DACH1: variants seen among roughly 807,000 people sequenced by gnomAD.
The protein encoded by DACH1 is dachshund homolog 1.
Under a neutral mutation model 54.2 loss-of-function variants are expected in DACH1, and 12 were observed. The observed-to-expected ratio is 0.22, with a 90% CI of 0.14 to 0.36. The LOEUF (loss-of-function observed/expected upper bound fraction) is 0.36, where lower values mean the gene tolerates loss of function less well. Ranked by LOEUF, DACH1 falls within the 10% of genes least tolerant of loss-of-function variation. DACH1 has a pLI of 1.00. For synonymous variants in DACH1, 386 were observed against 366.2 expected, an observed-to-expected ratio of 1.05 and a Z score of -0.62; for missense variants, 805 against 929.8, an observed-to-expected ratio of 0.87 and a Z score of 1.75.
At chr13:71,817,143 A>G (rs1887992330) in intron 1 of DACH1, among the ~76,000 whole-genome samples, 1 of 152,218 alleles carries the variant, frequency 6.6e-6, no homozygotes, top group Non-Finnish European at 1.5e-5. Flanking sequence ...TATTAAAAAT[A>G]AGACATATAA....
At chr13:71,705,471 T>A (rs1468221493) in intron 1 of DACH1, among the ~76,000 whole-genome samples, 2 of 152,216 alleles carry the variant, frequency 1.3e-5, no homozygotes, top group Non-Finnish European at 2.9e-5. Flanking sequence ...CTGAAGTGTA[T>A]GGAAGACAGT....
chr13:71,652,894 A>G (rs1878784844), intron 2 of DACH1, among the ~76,000 whole-genome samples: 1 of 152,212 alleles, frequency 6.6e-6, no homozygotes, highest in Admixed American at 6.5e-5. Flanking sequence ...AAATCTAGAA[A>G]ATGTAGAAAA....
At chr13:71,629,822 A>C (rs2138567084) in intron 3 of DACH1, among the ~76,000 whole-genome samples, 1 of 152,282 alleles carries the variant, frequency 6.6e-6, no homozygotes, top group South Asian at 2.1e-4. Flanking sequence ...CAAGTGCAAT[A>C]GCAGAAAAAA....
chr13:71,726,400 C>T (rs112114876), intron 1 of DACH1, among the ~76,000 whole-genome samples: 4,127 of 152,114 alleles, frequency 0.027, 170 homozygotes, highest in African/African-American at 0.087. Flanking sequence ...AACAAGAAAA[C>T]GCTTTAAATG....
chr13:71,475,961 T>C (rs1462315575), intron 8 of DACH1, 112 bp from the exon 9 acceptor site: 10 of 754,550 alleles, frequency 1.3e-5, no homozygotes, highest in Non-Finnish European at 1.9e-5. Context: ...CCTGCTGAAC[T>C]GAGTCTACCT....
intron 6 of DACH1, among the ~76,000 whole-genome samples, chr13:71,545,507 GAAAGAAGA>G (rs1192144120): frequency 6.9e-6 from 1 of 144,448 alleles, no homozygotes; most frequent in East Asian, 2.2e-4. Flanking sequence ...AAGATAGAAA[GAAAGAAGA>G]AAAGAAGAAA....
intron 1 of DACH1, among the ~76,000 whole-genome samples, chr13:71,772,656 C>T (rs118038908): frequency 6.6e-6 from 1 of 151,764 alleles, no homozygotes; most frequent in Non-Finnish European, 1.5e-5. Flanking sequence ...AAATGTAGGA[C>T]ATAATGTAAA....
At chr13:71,483,303 G>T (rs934786863) in intron 7 of DACH1, among the ~76,000 whole-genome samples, 2 of 148,894 alleles carry the variant, frequency 1.3e-5, no homozygotes, top group East Asian at 3.9e-4. Context: ...TGAATTCAAC[G>T]TCTATTTTGT....
intron 1 of DACH1, among the ~76,000 whole-genome samples, chr13:71,711,114 G>A (rs1882703935): frequency 6.6e-6 from 1 of 152,112 alleles, no homozygotes; most frequent in African/African-American, 2.4e-5. Context: ...CATACACTAG[G>A]CTGGATCCTT....
chr13:71,469,391 A>G (rs1329022899), intron 10 of DACH1, among the ~76,000 whole-genome samples: 2 of 152,178 alleles, frequency 1.3e-5, no homozygotes, highest in Non-Finnish European at 2.9e-5. Flanking sequence ...GTAAATTCCC[A>G]TCATAAGAAT....
At chr13:71,545,716 G>C (rs1249987458) in intron 6 of DACH1, among the ~76,000 whole-genome samples, 3 of 151,962 alleles carry the variant, frequency 2.0e-5, no homozygotes, top group Non-Finnish European at 4.4e-5. Context: ...ATTCATTTGT[G>C]CTGTCTTTTA....
chr13:71,628,238 C>T (rs889203890), intron 3 of DACH1, among the ~76,000 whole-genome samples: 18 of 151,970 alleles, frequency 1.2e-4, no homozygotes, highest in Admixed American at 1.1e-3. Flanking sequence ...GCAGCTCAAC[C>T]CCCACCTTCA....
intron 1 of DACH1, among the ~76,000 whole-genome samples, chr13:71,813,899 G>A (rs1887815231): frequency 6.6e-6 from 1 of 152,158 alleles, no homozygotes. Context: ...TATCCAATGT[G>A]AAATGCCAAT....
At chr13:71,576,698 G>T (rs772603022) in intron 3 of DACH1, among the ~76,000 whole-genome samples, 4 of 152,020 alleles carry the variant, frequency 2.6e-5, no homozygotes, top group African/African-American at 9.7e-5. Flanking sequence ...CTTTGTCAAG[G>T]TTCCCTATTC....
At chr13:71,676,532 A>G (rs1206171561) in intron 2 of DACH1, among the ~76,000 whole-genome samples, 4 of 152,188 alleles carry the variant, frequency 2.6e-5, no homozygotes, top group Non-Finnish European at 5.9e-5. Flanking sequence ...ACAGTTTTAC[A>G]TTGTAAATTT....
At chr13:71,565,823 G>A (rs1884862679) in intron 4 of DACH1, among the ~76,000 whole-genome samples, 1 of 152,166 alleles carries the variant, frequency 6.6e-6, no homozygotes, top group African/African-American at 2.4e-5. Flanking sequence ...ATTGGTGGTA[G>A]GGGACTATAT....
At chr13:71,487,452 C>T (rs896173623) in intron 7 of DACH1, among the ~76,000 whole-genome samples, 4 of 151,496 alleles carry the variant, frequency 2.6e-5, no homozygotes, top group African/African-American at 9.7e-5. Flanking sequence ...AATTATAGTT[C>T]GAGGTGATGT....
chr13:71,710,657 G>C (rs1333644841), intron 1 of DACH1, among the ~76,000 whole-genome samples: 1 of 152,040 alleles, frequency 6.6e-6, no homozygotes, highest in African/African-American at 2.4e-5. Context: ...GACAAAATAA[G>C]GTTTGAGTAA....
intron 2 of DACH1, among the ~76,000 whole-genome samples, chr13:71,646,564 T>C (rs1176361999): frequency 6.6e-6 from 1 of 152,178 alleles, no homozygotes; most frequent in Non-Finnish European, 1.5e-5. Context: ...GAACACTATC[T>C]ACAAGTTTAC....
Sources: allele counts gnomAD v4.1 joint callset (sites outside exome capture counted in the v4.1 genomes callset), GRCh38; gene constraint gnomAD v4.1.1; transcripts MANE v1.5; gene names NCBI Gene and HGNC (gene_info 2026-07-23, HGNC 2026-07-21).